The following ATP10A variants were observed in gnomAD, a reference collection of about 807,000 sequenced individuals.
ATP10A encodes phospholipid-transporting ATPase VA.
ATP10A carries 111 observed loss-of-function variants against 147.8 expected under a neutral mutation model. That is an observed-to-expected ratio of 0.75 (90% CI 0.64 to 0.88). The LOEUF is 0.88. Ranked by LOEUF, ATP10A falls within the 40% of genes least tolerant of loss-of-function variation. The pLI is 0.00. For missense variants in ATP10A, 1,927 were observed against 1,959.0 expected (o/e 0.98, Z 0.31); for synonymous variants, 875 against 841.6 (o/e 1.04, Z -0.69).
downstream of ATP10A, among the ~76,000 whole-genome samples, chr15:25,674,070 G>T (rs114223034): frequency 1.8e-3 from 272 of 152,344 alleles, 2 homozygotes; most frequent in African/African-American, 6.1e-3. Flanking sequence ...GAACGTGATG[G>T]CAAGCCTTGG....
intron 2 of ATP10A, among the ~76,000 whole-genome samples, chr15:25,756,499 T>C (rs984628137): frequency 6.6e-6 from 1 of 151,906 alleles, no homozygotes; most frequent in Non-Finnish European, 1.5e-5. Context: ...AAAAATTAGC[T>C]GGGTGTGGTG....
At chr15:25,861,963 G>A in intron 1 of ATP10A, 1 of 286,010 alleles carries the variant, frequency 3.5e-6, no homozygotes, top group Admixed American at 4.9e-5. Context: ...GTCCATCGCA[G>A]GGTCACCCCT....
rs201930485 is a variant in ATP10A at position 25,732,553 on chromosome 15, A to T, written c.740+3503T>A. On this transcript the variant is annotated intron_variant, in intron 3 of 20. Transcript: ENST00000555815. ...CTACTGTGAGCATTTCACATGCGAC[A>T]CCTTCTTTTTTTTTTTTTTTGAGAT... Among the ~76,000 whole-genome samples the T allele has an allele frequency of 9.4e-3, 241 of 25,518 alleles. 8 individuals carry two copies. In the East Asian group the frequency reaches 0.17, roughly 18 times the overall value. 16.7% of individuals were successfully genotyped at this position (25,518 alleles called of 152,430 possible). A position where few individuals can be genotyped will look rare whatever the true frequency, so the allele number is the denominator to read the frequency against.
At chr15:25,738,056 C>T (rs1312022812) in intron 2 of ATP10A, among the ~76,000 whole-genome samples, 1 of 152,182 alleles carries the variant, frequency 6.6e-6, no homozygotes, top group Non-Finnish European at 1.5e-5. Context: ...TTGAGTTTCT[C>T]ATTTAAAAAG....
At chr15:25,781,926 C>T (rs1378153659) in intron 1 of ATP10A, among the ~76,000 whole-genome samples, 1 of 152,144 alleles carries the variant, frequency 6.6e-6, no homozygotes, top group African/African-American at 2.4e-5. Flanking sequence ...GAATTTTTCA[C>T]TCCAAAATGG....
intron 3 of ATP10A, among the ~76,000 whole-genome samples, chr15:25,731,936 G>C (rs1376777583): frequency 6.6e-6 from 1 of 151,832 alleles, no homozygotes; most frequent in African/African-American, 2.4e-5. Flanking sequence ...GCTCACTGCA[G>C]CCTGGACCTC....
intron 5 of ATP10A, among the ~76,000 whole-genome samples, chr15:25,724,579 C>T (rs1902434163): frequency 6.6e-6 from 1 of 152,326 alleles, no homozygotes; most frequent in African/African-American, 2.4e-5. Flanking sequence ...CCACATCACA[C>T]CCACTTGGTG....
intron 1 of ATP10A, among the ~76,000 whole-genome samples, chr15:25,782,075 A>AT (rs1323085024): frequency 4.6e-5 from 7 of 152,376 alleles, no homozygotes; most frequent in Non-Finnish European, 8.8e-5. Context: ...GAACAGGTGA[A>AT]TAATAAACAA....
intron 10 of ATP10A, chr15:25,708,545 T>G: frequency 2.3e-6 from 1 of 442,900 alleles, no homozygotes; most frequent in Non-Finnish European, 4.1e-6. Context: ...GGTCACGAAC[T>G]CCTGGACTCA....
At position 25,835,597 on chromosome 15, in the gene ATP10A, T is replaced by G. The variant is rs146225594; in HGVS notation, c.449+27051A>C. 9.9e-3 allele frequency among the ~76,000 whole-genome samples: 1,505 copies of G among 152,230 alleles called. 49 individuals are homozygous for G. Among genetic ancestry groups the G allele is most frequent in the Admixed American group, 0.054 (830 of 15,296 alleles). ...AGGCCGGCCATAGGAAACTTCATCC[T>G]TGGGCACAGCCTCCTCCCTCCCAAT... On this transcript the variant is annotated intron_variant, in intron 1 of 20. Transcript: ENST00000555815.
At chr15:25,691,430 C>T (rs976160363) in intron 15 of ATP10A, among the ~76,000 whole-genome samples, 23 of 152,156 alleles carry the variant, frequency 1.5e-4, no homozygotes, top group Admixed American at 1.3e-3. Context: ...AGACAGAAGG[C>T]GATGACTCAC....
At position 25,683,830 on chromosome 15, in the gene ATP10A, TC is replaced by T. The variant is rs373616775; in HGVS notation, c.3292-345del. On this transcript the variant is annotated intron_variant, in intron 16 of 20. Coordinates refer to ENST00000555815, the MANE Select transcript of ATP10A (RefSeq NM_024490.4). ...AGGTTTCACAGGGGTGTAGGGCTGC[TC>T]ACATTTCAAGAGGGCCAGTTGAGTA... 395 of 263,834 alleles carry T rather than the reference TC, an allele frequency of 1.5e-3. 1 individual carries two copies. Among genetic ancestry groups the T allele is most frequent in the African/African-American group, 8.5e-3 (380 of 44,912 alleles). 16.3% of individuals were successfully genotyped at this position (263,834 alleles called of 1,614,324 possible).
chr15:25,803,460 C>T (rs1185308064), intron 1 of ATP10A, among the ~76,000 whole-genome samples: 2 of 152,186 alleles, frequency 1.3e-5, no homozygotes, highest in Non-Finnish European at 2.9e-5. Flanking sequence ...GCTAGGACAA[C>T]TCGCCCTCTA....
intron 1 of ATP10A, among the ~76,000 whole-genome samples, chr15:25,832,570 T>TC (rs1892405475): frequency 6.6e-6 from 1 of 152,218 alleles, no homozygotes. Flanking sequence ...GTTTCCTTTT[T>TC]TTTTTTTCAA....
At chr15:25,724,683 T>C (rs187990442) in intron 5 of ATP10A, among the ~76,000 whole-genome samples, 57 of 152,372 alleles carry the variant, frequency 3.7e-4, no homozygotes, top group Non-Finnish European at 6.6e-4. Context: ...GTAACATCTG[T>C]GCTTCTCCTG....
chr15:25,833,788 C>A (rs141674648), intron 1 of ATP10A, among the ~76,000 whole-genome samples: 1 of 152,014 alleles, frequency 6.6e-6, no homozygotes, highest in African/African-American at 2.4e-5. Flanking sequence ...CTGGCTAATA[C>A]GGTGAAACCC....
intron 2 of ATP10A, among the ~76,000 whole-genome samples, chr15:25,746,070 C>T (rs1253486265): frequency 6.6e-6 from 1 of 151,972 alleles, no homozygotes; most frequent in Non-Finnish European, 1.5e-5. Context: ...AATGAAAACC[C>T]AAAAACTATG....
chr15:25,814,927 CATTTTTGTG>C (rs1171688935), intron 1 of ATP10A, among the ~76,000 whole-genome samples: 1 of 152,168 alleles, frequency 6.6e-6, no homozygotes, highest in African/African-American at 2.4e-5. Context: ...CAAACACATG[CATTTTTGTG>C]TATGGTGTGT....
chr15:25,861,664 G>GCCAGATAC (rs932443562), intron 1 of ATP10A: 2 of 152,448 alleles, frequency 1.3e-5, no homozygotes, highest in African/African-American at 4.8e-5. Context: ...CATAATGGAA[G>GCCAGATAC]CCAGATACCG....
Sources: gnomAD v4.1 joint callset for allele counts (sites outside exome capture counted in the v4.1 genomes callset) on GRCh38, gnomAD v4.1.1 for gene constraint, MANE v1.5 for transcripts, NCBI Gene and HGNC (gene_info 2026-07-23, HGNC 2026-07-21) for gene names.